Variants in LMBRD1 observed in about 807,000 individuals in gnomAD.
LMBRD1 encodes the protein LMBR1 domain containing 1, also known as lysosomal cobalamin transport escort protein LMBD1.
In LMBRD1, 64 loss-of-function variants were observed where a neutral mutation model predicts 74.8. That is an observed-to-expected ratio of 0.86 (90% CI 0.70 to 1.05). The LOEUF (loss-of-function observed/expected upper bound fraction) is 1.05, where lower values mean the gene tolerates loss of function less well. Ranked by LOEUF, LMBRD1 falls within the 50% of genes least tolerant of loss-of-function variation. LMBRD1 has a pLI of 0.00. For synonymous variants in LMBRD1, 204 were observed against 216.3 expected (o/e 0.94, Z 0.50); for missense variants, 652 against 645.9 (o/e 1.01, Z -0.10).
chr6:69,706,328 G>T (rs764003860), intron 9 of LMBRD1, among the ~76,000 whole-genome samples: 1 of 152,176 alleles, frequency 6.6e-6, no homozygotes, highest in African/African-American at 2.4e-5. Flanking sequence ...TAGAAATTCT[G>T]TAATTTATTT....
At chr6:69,767,625 A>T (rs13214792) in intron 3 of LMBRD1, among the ~76,000 whole-genome samples, 3 of 151,854 alleles carry the variant, frequency 2.0e-5, no homozygotes, top group African/African-American at 4.8e-5. Context: ...CATATAGTCT[A>T]TACTGAAGAA....
At chr6:69,764,464 C>T (rs1765438933) in intron 3 of LMBRD1, among the ~76,000 whole-genome samples, 2 of 152,132 alleles carry the variant, frequency 1.3e-5, no homozygotes, top group South Asian at 2.1e-4. Flanking sequence ...AATACATGTT[C>T]GTTAAGACTC....
At chr6:69,688,401 G>GTTTTTTT (rs142237925) in intron 14 of LMBRD1, among the ~76,000 whole-genome samples, 2 of 148,950 alleles carry the variant, frequency 1.3e-5, no homozygotes. Flanking sequence ...GAAGGGCAGA[G>GTTTTTTT]ATTTTTTTTT....
chr6:69,738,145 T>G, intron 6 of LMBRD1, 130 bp from the exon 7 acceptor site: 2 of 614,410 alleles, frequency 3.3e-6, no homozygotes, highest in South Asian at 2.3e-5. Flanking sequence ...TATTACCGTA[T>G]TCTTGAAGTG....
chr6:69,744,391 C>T (rs1345043503), intron 5 of LMBRD1, among the ~76,000 whole-genome samples: 1 of 152,152 alleles, frequency 6.6e-6, no homozygotes, highest in Non-Finnish European at 1.5e-5. Flanking sequence ...AAATTTGCAA[C>T]CTCTGGCATA....
chr6:69,690,686 G>T (rs986054760), intron 14 of LMBRD1, among the ~76,000 whole-genome samples: 6 of 152,030 alleles, frequency 3.9e-5, no homozygotes, highest in African/African-American at 1.4e-4. Context: ...TACCACATTT[G>T]CCCTGATGTG....
chr6:69,726,404 A>G (rs1766736184), intron 7 of LMBRD1, among the ~76,000 whole-genome samples: 2 of 152,230 alleles, frequency 1.3e-5, no homozygotes, highest in South Asian at 4.1e-4. Flanking sequence ...GGAGATCCAT[A>G]TATCAAAGAG....
At chr6:69,747,929 C>T (rs4707343) in intron 5 of LMBRD1, among the ~76,000 whole-genome samples, 55,380 of 152,050 alleles carry the variant, frequency 0.36, 10,616 homozygotes, top group East Asian at 0.54. Flanking sequence ...TAAATGCACG[C>T]CTCATTCAAA....
In LMBRD1 at chr6:69,752,434, T is replaced by C. The variant is rs1765179240; in HGVS notation, c.308-78A>G. The C allele has an allele frequency of 1.7e-6, 2 of 1,183,822 alleles. 1 individual carries two copies. The highest frequency in any genetic ancestry group is 2.6e-5 in the South Asian group (2 of 76,590). 73.3% of individuals were successfully genotyped at this position (1,183,822 alleles called of 1,614,324 possible). A position where few individuals can be genotyped will look rare whatever the true frequency, so the allele number is the denominator to read the frequency against. ...ATGGTTATCTATCTATATGTATATATATTCACTTAACAAATTCACTCCCCT... is the reference window on the plus strand; with the variant it reads ...ATGGTTATCTATCTATATGTATATACATTCACTTAACAAATTCACTCCCCT... On this transcript the variant is annotated intron_variant, in intron 3 of 15. Transcript: ENST00000649934.
chr6:69,796,529 C>G (rs555101757), intron 1 of LMBRD1, among the ~76,000 whole-genome samples: 60 of 152,330 alleles, frequency 3.9e-4, no homozygotes, highest in Non-Finnish European at 7.1e-4. Flanking sequence ...CCAAACCCCA[C>G]CGGCCCCATT....
intron 12 of LMBRD1, 100 bp downstream of exon 12, chr6:69,700,665 T>C: frequency 1.2e-6 from 1 of 812,778 alleles, no homozygotes; most frequent in East Asian, 3.3e-5. Flanking sequence ...ACTTGTGGTA[T>C]AAAGATACAG....
intron 3 of LMBRD1, among the ~76,000 whole-genome samples, chr6:69,778,487 G>A (rs1328835826): frequency 3.3e-5 from 5 of 152,138 alleles, no homozygotes; most frequent in African/African-American, 1.2e-4. Flanking sequence ...AGTCTTTTGC[G>A]AACTTAATTA....
In LMBRD1 at chr6:69,697,604, G is replaced by T. The variant is rs748552915; in HGVS notation, c.1376C>A (p.Thr459Asn). The T allele has an allele frequency of 3.1e-6, 5 of 1,606,532 alleles. No homozygotes were observed. Among genetic ancestry groups the T allele is most frequent in the Non-Finnish European group, 1.7e-6 (2 of 1,173,980 alleles). Reference protein sequence around the residue: ...ITSDNHKGNSTLSVPKRCDAD... With the variant: ...ITSDNHKGNSNLSVPKRCDAD... ...ATCACATCTCTTTGGCACAGAAAGG[G>T]TTGAATTGCCTTTATGATTATCAGA... The change falls in exon 14 of 16, where the codon ACC becomes AAC. Residue 459 changes from threonine (T) to asparagine (N), a missense_variant. Physicochemically the swap from Thr to Asn is moderately conservative, Grantham distance 65. This residue lies in a region of LMBRD1 where 598 missense variants were observed against 581.8 expected (regional missense o/e 1.03). Transcript: ENST00000649934.
At chr6:69,701,775 C>A in intron 10 of LMBRD1, 114 bp downstream of exon 10, 1 of 778,760 alleles carries the variant, frequency 1.3e-6, no homozygotes, top group East Asian at 2.6e-5. Flanking sequence ...TAGAACACTT[C>A]AAGTAAAAAA....
rs897218415 is a variant in LMBRD1, at chr6:69,796,994, G to A, written c.-113C>T. On this transcript the variant is annotated 5_prime_UTR_variant, in exon 1 of 16. Transcript: ENST00000649934. ...GCGCACCCTAAAGGTTAAAGGGGCG[G>A]AGGGGGAGGAGCAAGTGGTTGCCAA... is the stretch of plus-strand genomic sequence containing the variant. The A allele has an allele frequency of 9.0e-6, 8 of 893,358 alleles. No individual in the cohort carries two copies. The highest frequency in any genetic ancestry group is 1.4e-5 in the Non-Finnish European group (8 of 562,882). The allele number at this position is 893,358 out of a possible 1,614,324, so 55.3% of individuals were successfully genotyped here.
chr6:69,725,247 G>A (rs1766703815), intron 7 of LMBRD1, among the ~76,000 whole-genome samples: 1 of 151,894 alleles, frequency 6.6e-6, no homozygotes, highest in Admixed American at 6.6e-5. Flanking sequence ...CATGTTCATG[G>A]ATTGGAAGAG....
intron 3 of LMBRD1, among the ~76,000 whole-genome samples, chr6:69,769,827 G>T (rs1440661912): frequency 6.6e-6 from 1 of 151,540 alleles, no homozygotes; most frequent in African/African-American, 2.4e-5. Context: ...CCTAGGGATT[G>T]CTCCTGTGTC....
chr6:69,705,706 G>T, intron 9 of LMBRD1: 2 of 1,071,502 alleles, frequency 1.9e-6, no homozygotes, highest in Non-Finnish European at 2.8e-6. Context: ...ACTTTTTTCT[G>T]TGGAACCTTG....
At chr6:69,709,111 G>A (rs969008760) in intron 9 of LMBRD1, among the ~76,000 whole-genome samples, 38 of 152,242 alleles carry the variant, frequency 2.5e-4, no homozygotes, top group African/African-American at 8.7e-4. Context: ...GCACATGTCT[G>A]TAATCCCAGC....
Sources: gnomAD v4.1 joint callset for allele counts (sites outside exome capture counted in the v4.1 genomes callset) on GRCh38, gnomAD v4.1.1 for gene constraint, gnomAD v4.1.1 regional missense constraint, MANE v1.5 for transcripts, NCBI Gene and HGNC (gene_info 2026-07-23, HGNC 2026-07-21) for gene names.